Variants in RSU1 observed in about 807,000 individuals in gnomAD.
The protein encoded by RSU1 is Ras suppressor protein 1, also known as rsu-1.
A neutral mutation model predicts 31.1 loss-of-function variants in RSU1; 26 were observed. That is an observed-to-expected ratio of 0.84 (90% confidence interval 0.61 to 1.16). RSU1 has a LOEUF of 1.16. RSU1 is among the 50% of genes most tolerant of loss of function. The pLI is 0.00. For missense variants in RSU1, 320 were observed against 339.1 expected (o/e 0.94, Z 0.44); for synonymous variants, 164 against 136.3 (o/e 1.20, Z -1.41).
In RSU1 at chr10:16,731,597, G is replaced by A. The variant is rs540345587; in HGVS notation, c.598+20942C>T. ...CCAAAAATGGGTCTAGAATTAACACGCTAATTTACAATCCAACAGCAATGC... is the reference window on the plus strand; with the variant it reads ...CCAAAAATGGGTCTAGAATTAACACACTAATTTACAATCCAACAGCAATGC... On this transcript the variant is annotated intron_variant, in intron 7 of 8. Transcript: ENST00000345264. 9.9e-5 allele frequency among the ~76,000 whole-genome samples: 15 copies of A among 152,246 alleles called. No homozygotes were observed. The East Asian group carries it at 1.2e-3, about 12-fold the overall frequency.
chr10:16,774,362 C>T (rs1837486234), intron 3 of RSU1, among the ~76,000 whole-genome samples: 1 of 151,986 alleles, frequency 6.6e-6, no homozygotes, highest in Admixed American at 6.6e-5. Flanking sequence ...TGCTTGAGGC[C>T]AGGAGTTCAA....
At chr10:16,758,482 G>C (rs1243326407) in intron 4 of RSU1, among the ~76,000 whole-genome samples, 1 of 152,194 alleles carries the variant, frequency 6.6e-6, no homozygotes, top group Non-Finnish European at 1.5e-5. Context: ...GGTAGGAAAA[G>C]TATGGAGCTT....
intron 7 of RSU1, among the ~76,000 whole-genome samples, chr10:16,746,606 C>T (rs1046369595): frequency 6.7e-6 from 1 of 150,340 alleles, no homozygotes; most frequent in African/African-American, 2.4e-5. Flanking sequence ...TGAGAAAATG[C>T]AGAAATGGAA....
At chr10:16,778,464 A>G (rs911584175) in intron 3 of RSU1, among the ~76,000 whole-genome samples, 1 of 152,172 alleles carries the variant, frequency 6.6e-6, no homozygotes, top group Non-Finnish European at 1.5e-5. Flanking sequence ...CGAAGCCACT[A>G]AGGGCCCAGT....
At chr10:16,660,130 C>T (rs996397170) in intron 8 of RSU1, among the ~76,000 whole-genome samples, 2 of 152,178 alleles carry the variant, frequency 1.3e-5, no homozygotes, top group Middle Eastern at 3.2e-3. Context: ...CTGTCTACTA[C>T]GATAAATAAT....
At chr10:16,650,576 C>CTTTTTTT (rs139231306) in intron 8 of RSU1, among the ~76,000 whole-genome samples, 13 of 112,540 alleles carry the variant, frequency 1.2e-4, no homozygotes, top group African/African-American at 4.3e-4. Flanking sequence ...TCCTGAAAAG[C>CTTTTTTT]TTTTTTTTTT....
intron 2 of RSU1, among the ~76,000 whole-genome samples, chr10:16,811,494 G>T (rs1838408302): frequency 6.6e-6 from 1 of 152,118 alleles, no homozygotes; most frequent in Admixed American, 6.5e-5. Flanking sequence ...GAGAGGTCAA[G>T]CAACTTGCCC....
At chr10:16,699,071 T>A (rs1459152518) in intron 7 of RSU1, among the ~76,000 whole-genome samples, 1 of 152,194 alleles carries the variant, frequency 6.6e-6, no homozygotes, top group African/African-American at 2.4e-5. Flanking sequence ...GTCTTTCTTT[T>A]TAACAAAGAG....
intron 7 of RSU1, among the ~76,000 whole-genome samples, chr10:16,730,545 G>A (rs931925214): frequency 6.6e-6 from 1 of 152,138 alleles, no homozygotes; most frequent in Non-Finnish European, 1.5e-5. Context: ...ACATTCAGGA[G>A]AGAGCCCAGT....
intron 7 of RSU1, chr10:16,748,384 A>ACCTCTGACCCTCCTT (rs143477106): frequency 0.022 from 3,319 of 151,364 alleles, 106 homozygotes; most frequent in African/African-American, 0.066. Context: ...TTCTACTCCT[A>ACCTCTGACCCTCCTT]CCTCTGACCC....
chr10:16,776,688 T>A (rs1368362730), intron 3 of RSU1, among the ~76,000 whole-genome samples: 1 of 152,034 alleles, frequency 6.6e-6, no homozygotes, highest in Non-Finnish European at 1.5e-5. Flanking sequence ...CCCACACTTT[T>A]GAAAAGTTTT....
intron 2 of RSU1, among the ~76,000 whole-genome samples, chr10:16,809,995 GGGGGGGA>G (rs1838373593): frequency 6.6e-6 from 1 of 150,466 alleles, no homozygotes; most frequent in Non-Finnish European, 1.5e-5. Context: ...CCGGGGGTGG[GGGGGGGA>G]GGTGAATCAC....
chr10:16,613,494 C>A (rs1307160525), intron 8 of RSU1, among the ~76,000 whole-genome samples: 4 of 152,172 alleles, frequency 2.6e-5, no homozygotes, highest in Non-Finnish European at 5.9e-5. Context: ...CCATCTGAGC[C>A]TGGGCATCTT....
chr10:16,646,810 T>G (rs976831521), intron 8 of RSU1, among the ~76,000 whole-genome samples: 4 of 151,704 alleles, frequency 2.6e-5, no homozygotes, highest in African/African-American at 9.7e-5. Context: ...GTTAGGGAAA[T>G]GCAAATCAAA....
At chr10:16,623,227 A>G (rs1326990569) in intron 8 of RSU1, among the ~76,000 whole-genome samples, 2 of 152,008 alleles carry the variant, frequency 1.3e-5, no homozygotes, top group Non-Finnish European at 2.9e-5. Context: ...TATGGTTGCC[A>G]TTTTTTTGTC....
rs567959232 is a variant in RSU1, at chr10:16,735,791, T to C, written c.598+16748A>G. Among the ~76,000 whole-genome samples the C allele has an allele frequency of 3.9e-5, 6 of 152,244 alleles. No homozygotes were observed. The South Asian group carries it at 1.2e-3, about 32-fold the overall frequency. On this transcript the variant is annotated intron_variant, in intron 7 of 8. Coordinates refer to ENST00000345264, the MANE Select transcript of RSU1 (RefSeq NM_012425.4). The stretch of plus-strand genomic sequence containing the variant: ...ACTCACTATCACAAGAACAGAAGCA[T>C]GGACTAACAGCACCTATGATTCATT...
At chr10:16,808,940 T>G (rs1838340392) in intron 2 of RSU1, among the ~76,000 whole-genome samples, 1 of 152,150 alleles carries the variant, frequency 6.6e-6, no homozygotes, top group Non-Finnish European at 1.5e-5. Context: ...GACGGCCACC[T>G]GCAAGCCCAG....
intron 8 of RSU1, among the ~76,000 whole-genome samples, chr10:16,691,489 A>G (rs1457339843): frequency 1.3e-5 from 2 of 151,752 alleles, no homozygotes; most frequent in Non-Finnish European, 2.9e-5. Context: ...CTGCTACAGG[A>G]GAATGACAGA....
At chr10:16,753,112 C>T (rs1337144682) in intron 5 of RSU1, 112 bp from the exon 6 acceptor site, 2 of 728,570 alleles carry the variant, frequency 2.7e-6, no homozygotes, top group East Asian at 2.7e-5. Flanking sequence ...GGTGAAAAGC[C>T]TTTGACATAC....
Sources: allele counts gnomAD v4.1 joint callset (sites outside exome capture counted in the v4.1 genomes callset), GRCh38; gene constraint gnomAD v4.1.1; transcripts MANE v1.5; gene names NCBI Gene and HGNC (gene_info 2026-07-23, HGNC 2026-07-21).